Variants in UVRAG observed in about 807,000 individuals in gnomAD.
UVRAG encodes the protein UV radiation resistance-associated gene protein.
A neutral mutation model predicts 78.0 loss-of-function variants in UVRAG; 19 were observed. That is an observed-to-expected ratio of 0.24 (90% confidence interval 0.17 to 0.36). UVRAG has a LOEUF of 0.36. Among genes scored for constraint, UVRAG ranks in the 10% least tolerant of loss-of-function variants. The pLI, the probability that UVRAG is intolerant of heterozygous loss-of-function variation, is 1.00. For missense variants in UVRAG, 740 were observed against 853.8 expected (o/e 0.87, Z 1.66); for synonymous variants, 323 against 324.6 (o/e 1.00, Z 0.05).
At chr11:76,011,738 A>G (rs1234012981) in intron 11 of UVRAG, among the ~76,000 whole-genome samples, 2 of 152,164 alleles carry the variant, frequency 1.3e-5, no homozygotes, top group African/African-American at 4.8e-5. Context: ...TGAGGGTGTA[A>G]GAGATGGTTA....
chr11:75,973,862 A>G (rs1949175659), intron 7 of UVRAG, among the ~76,000 whole-genome samples: 1 of 152,184 alleles, frequency 6.6e-6, no homozygotes, highest in Non-Finnish European at 1.5e-5. Flanking sequence ...AGCTTCATCC[A>G]TGTCACTGCA....
In UVRAG at chr11:75,889,780, G is replaced by A. The variant is rs762512988; in HGVS notation, c.507+877G>A. On this transcript the variant is annotated intron_variant, in intron 5 of 14. Coordinates refer to ENST00000356136, the MANE Select transcript of UVRAG (RefSeq NM_003369.4). ...AAATGGATAATTTCCTGCTGTTGTGGAGTATATATGCAAGAGGCAAACACT... is the reference window on the plus strand; with the variant it reads ...AAATGGATAATTTCCTGCTGTTGTGAAGTATATATGCAAGAGGCAAACACT... 2.2e-4 allele frequency among the ~76,000 whole-genome samples: 33 copies of A among 152,166 alleles called. 1 individual carries two copies. The highest frequency in any genetic ancestry group is 4.4e-4 in the Non-Finnish European group (30 of 68,028).
intron 12 of UVRAG, among the ~76,000 whole-genome samples, chr11:76,040,319 A>G (rs1950621183): frequency 6.6e-6 from 1 of 151,718 alleles, no homozygotes. Flanking sequence ...TAAAAATACA[A>G]AAAATTAGCC....
chr11:76,095,634 A>G (rs1951774422), intron 13 of UVRAG, among the ~76,000 whole-genome samples: 1 of 151,478 alleles, frequency 6.6e-6, no homozygotes, highest in African/African-American at 2.4e-5. Flanking sequence ...TTGGGAGGCC[A>G]AAGTGAAAAG....
intron 5 of UVRAG, among the ~76,000 whole-genome samples, chr11:75,897,869 TA>T (rs1274967250): frequency 1.2e-5 from 1 of 85,964 alleles, no homozygotes; most frequent in Non-Finnish European, 2.3e-5. Flanking sequence ...CATAGCTCTT[TA>T]ATTTTTTTTT....
At chr11:76,058,151 C>T (rs1031441986) in intron 12 of UVRAG, among the ~76,000 whole-genome samples, 1 of 152,088 alleles carries the variant, frequency 6.6e-6, no homozygotes, top group African/African-American at 2.4e-5. Context: ...TTCTGAACCC[C>T]TAAGCATACC....
intron 10 of UVRAG, among the ~76,000 whole-genome samples, chr11:76,008,215 T>C (rs1361320291): frequency 6.6e-6 from 1 of 152,122 alleles, no homozygotes; most frequent in African/African-American, 2.4e-5. Flanking sequence ...CTGCCCATTA[T>C]CACCATTTCT....
chr11:76,140,564 G>GAC, intron 14 of UVRAG, 147 bp from the exon 15 acceptor site: 1 of 809,030 alleles, frequency 1.2e-6, no homozygotes, highest in Non-Finnish European at 1.8e-6. Context: ...TTTGCATTGA[G>GAC]ACACTGCAAT....
chr11:75,877,843 G>A (rs1946835546), intron 3 of UVRAG, among the ~76,000 whole-genome samples: 2 of 139,670 alleles, frequency 1.4e-5, no homozygotes, highest in African/African-American at 5.4e-5. Context: ...CCCGGACGGG[G>A]CGGCTGGCCG....
chr11:75,956,123 C>G (rs1226081390), intron 6 of UVRAG, among the ~76,000 whole-genome samples: 1 of 152,008 alleles, frequency 6.6e-6, no homozygotes, highest in African/African-American at 2.4e-5. Flanking sequence ...TGGTGTGTTC[C>G]TTTTTATTGC....
chr11:76,071,269 T>C (rs1951302478), intron 13 of UVRAG, among the ~76,000 whole-genome samples: 1 of 152,164 alleles, frequency 6.6e-6, no homozygotes, highest in South Asian at 2.1e-4. Context: ...ATATGAATGA[T>C]GACAAGGAAC....
At chr11:75,954,682 T>A (rs1281155703) in intron 6 of UVRAG, among the ~76,000 whole-genome samples, 1 of 152,234 alleles carries the variant, frequency 6.6e-6, no homozygotes, top group Non-Finnish European at 1.5e-5. Context: ...GAGTCCCTCC[T>A]TTGTGCCACA....
chr11:75,867,461 C>T (rs1034947590), intron 3 of UVRAG, among the ~76,000 whole-genome samples: 4 of 152,026 alleles, frequency 2.6e-5, no homozygotes, highest in African/African-American at 4.8e-5. Flanking sequence ...TTTTTTGGGA[C>T]GTATTTGTGG....
At chr11:76,078,549 C>A (rs1316781948) in intron 13 of UVRAG, among the ~76,000 whole-genome samples, 1 of 151,554 alleles carries the variant, frequency 6.6e-6, no homozygotes, top group East Asian at 1.9e-4. Context: ...TTGTCATCCA[C>A]AGATTTCAAA....
chr11:76,010,937 G>A (rs1018018394), intron 11 of UVRAG, among the ~76,000 whole-genome samples: 6 of 152,142 alleles, frequency 3.9e-5, no homozygotes, highest in African/African-American at 1.4e-4. Context: ...AAGCAGGATG[G>A]CATGAGCTGA....
chr11:76,116,428 T>C (rs1055690168), intron 14 of UVRAG, among the ~76,000 whole-genome samples: 7 of 152,124 alleles, frequency 4.6e-5, no homozygotes, highest in Non-Finnish European at 8.8e-5. Context: ...AGAAAGCAGA[T>C]AAGGAATAGG....
chr11:76,090,736 T>G (rs1341977868), intron 13 of UVRAG, among the ~76,000 whole-genome samples: 3 of 152,240 alleles, frequency 2.0e-5, no homozygotes, highest in Non-Finnish European at 4.4e-5. Flanking sequence ...TCAGTGTGCT[T>G]ATAACTAATT....
chr11:75,995,017 ACAGTCAAGATTTCTTTCAG>A (rs1949678369), intron 8 of UVRAG, among the ~76,000 whole-genome samples: 2 of 152,160 alleles, frequency 1.3e-5, no homozygotes, highest in African/African-American at 4.8e-5. Flanking sequence ...TCTGAATTAT[ACAGTCAAGATTTCTTTCAG>A]CTCTATTAAG....
intron 6 of UVRAG, among the ~76,000 whole-genome samples, chr11:75,932,559 C>T (rs185886130): frequency 6.6e-6 from 1 of 152,270 alleles, no homozygotes; most frequent in African/African-American, 2.4e-5. Flanking sequence ...GCTGGGATTA[C>T]AGGCGTGAAC....
Sources: allele counts gnomAD v4.1 joint callset (sites outside exome capture counted in the v4.1 genomes callset), GRCh38; gene constraint gnomAD v4.1.1; transcripts MANE v1.5; gene names NCBI Gene and HGNC (gene_info 2026-07-23, HGNC 2026-07-21).